FGF1: variants seen among roughly 807,000 people sequenced by gnomAD.
The protein encoded by FGF1 is beta-endothelial cell growth factor.
Under a neutral mutation model 13.4 loss-of-function variants are expected in FGF1, and 9 were observed. The ratio of observed to expected loss-of-function variants is 0.67; its 90% CI spans 0.40 to 1.17. FGF1 has a LOEUF of 1.17. Among genes scored for constraint, FGF1 ranks in the 50% most tolerant of loss-of-function variants. The probability of loss-of-function intolerance (pLI) is 0.01; values close to 1 mark genes in which losing one functional copy is unlikely to be tolerated. For synonymous variants in FGF1, 93 were observed against 79.0 expected, an observed-to-expected ratio of 1.18 and a Z score of -0.94; for missense variants, 156 against 192.7, an observed-to-expected ratio of 0.81 and a Z score of 1.13.
At chr5:142,643,231 A>T (rs1247933399) in intron 1 of FGF1, among the ~76,000 whole-genome samples, 1 of 152,178 alleles carries the variant, frequency 6.6e-6, no homozygotes, top group Non-Finnish European at 1.5e-5. Flanking sequence ...ATTATCGAAG[A>T]TATAAAGAAC....
intron 1 of FGF1, among the ~76,000 whole-genome samples, chr5:142,645,161 T>C (rs977845130): frequency 2.0e-5 from 3 of 152,142 alleles, no homozygotes. Context: ...GCATTACTCA[T>C]GGTGAAGGGC....
At chr5:142,695,104 T>C (rs1752894332) in intron 2 of FGF1, among the ~76,000 whole-genome samples, 1 of 152,202 alleles carries the variant, frequency 6.6e-6, no homozygotes, top group Admixed American at 6.5e-5. Flanking sequence ...ACTAGATGTA[T>C]AATTTAGGAT....
Position 142,594,794 on chromosome 5 carries a change from T to A in FGF1, c.*496A>T, listed in dbSNP as rs1754918476. 6.5e-6 allele frequency: 1 copy of A among 152,688 alleles called. No homozygotes were observed. The highest frequency in any genetic ancestry group is 6.5e-5 in the Admixed American group (1 of 15,316). 9.5% of individuals were successfully genotyped at this position (152,688 alleles called of 1,614,324 possible). On this transcript the variant is annotated 3_prime_UTR_variant, in exon 4 of 4. Transcript: ENST00000337706. Reference sequence around the variant, plus strand: ...CTGTTCTGAAGGGGGGATTTCTTTGTCCCTGTTTCTGGTCATGGAATGCTG... The same window carrying A: ...CTGTTCTGAAGGGGGGATTTCTTTGACCCTGTTTCTGGTCATGGAATGCTG...
At chr5:142,623,918 T>C (rs1220838296) in intron 1 of FGF1, among the ~76,000 whole-genome samples, 3 of 151,380 alleles carry the variant, frequency 2.0e-5, no homozygotes, top group Non-Finnish European at 4.4e-5. Context: ...CTGGTTAACT[T>C]TTTTTTGTTT....
Position 142,592,194 on chromosome 5 carries a change from C to A in FGF1, c.*3096G>T. 2 of 396,436 alleles carry A rather than the reference C, an allele frequency of 5.0e-6. No homozygotes were observed. Among genetic ancestry groups the A allele is most frequent in the East Asian group, 7.1e-5 (2 of 27,992 alleles). The allele number at this position is 396,436 out of a possible 1,614,324, so 24.6% of individuals were successfully genotyped here. On this transcript the variant is annotated 3_prime_UTR_variant, in exon 4 of 4. Transcript: ENST00000337706. ...GAGACATTATCACCTATTATTGGAA[C>A]ATTTATTAATATTTGTAAGGTGCAG...
At chr5:142,662,936 A>C (rs1038853387) in intron 1 of FGF1, among the ~76,000 whole-genome samples, 1 of 151,746 alleles carries the variant, frequency 6.6e-6, no homozygotes, top group African/African-American at 2.4e-5. Context: ...CAACCCTCCC[A>C]CCTCAGCCTC....
Position 142,607,453 on chromosome 5 carries a change from G to A in FGF1, c.169+6506C>T, listed in dbSNP as rs60213118. 5.5e-3 allele frequency among the ~76,000 whole-genome samples: 832 copies of A among 152,294 alleles called. 8 individuals carry two copies. Among genetic ancestry groups the A allele is most frequent in the African/African-American group, 0.018 (757 of 41,548 alleles). The stretch of plus-strand genomic sequence containing the variant: ...TTTTGAAAAACAAGATACGTCCATG[G>A]TCTGTAGGGTACTTCATTTTCCCCT... On this transcript the variant is annotated intron_variant, in intron 2 of 3. Coordinates refer to ENST00000337706, the MANE Select transcript of FGF1 (RefSeq NM_000800.5).
At position 142,622,684 on chromosome 5, in the gene FGF1, G is replaced by A. The variant is rs79100140; in HGVS notation, c.-34-8523C>T. Among the ~76,000 whole-genome samples, 178 of 152,316 alleles carry A rather than the reference G, an allele frequency of 1.2e-3. 2 individuals are homozygous for A. The highest frequency in any genetic ancestry group is 4.0e-3 in the African/African-American group (167 of 41,570). ...AGGCTTTTTTTATTTCTGCCACAGC[G>A]TGTTAGGCTGGCAGGGCCCCACCTT... On this transcript the variant is annotated intron_variant, in intron 1 of 3. Transcript: ENST00000337706.
intron 1 of FGF1, among the ~76,000 whole-genome samples, chr5:142,642,022 A>G (rs143855199): frequency 3.1e-4 from 48 of 152,384 alleles, no homozygotes; most frequent in African/African-American, 1.0e-3. Flanking sequence ...CCTCTCAAAT[A>G]GACACATAAA....
At chr5:142,601,624 C>T (rs886877848) in intron 2 of FGF1, among the ~76,000 whole-genome samples, 6 of 151,886 alleles carry the variant, frequency 4.0e-5, no homozygotes, top group African/African-American at 9.7e-5. Context: ...CTAGGGGGGG[C>T]GGGTGCTACT....
intron 1 of FGF1, among the ~76,000 whole-genome samples, chr5:142,680,233 C>T (rs1360920835): frequency 6.6e-6 from 1 of 152,148 alleles, no homozygotes; most frequent in Non-Finnish European, 1.5e-5. Flanking sequence ...CACAACTCAA[C>T]CCTAACACCT....
chr5:142,688,197 C>A (rs1192692864), upstream of FGF1, among the ~76,000 whole-genome samples: 1 of 152,118 alleles, frequency 6.6e-6, no homozygotes, highest in Non-Finnish European at 1.5e-5. Context: ...ATATTACTGT[C>A]CAAATACTGG....
chr5:142,683,381 A>G (rs1052896843), intron 1 of FGF1, among the ~76,000 whole-genome samples: 1 of 152,172 alleles, frequency 6.6e-6, no homozygotes, highest in Admixed American at 6.5e-5. Flanking sequence ...AGGCATTCCT[A>G]GACTCCAGAT....
At chr5:142,607,918 A>T (rs996663636) in intron 2 of FGF1, among the ~76,000 whole-genome samples, 1 of 152,190 alleles carries the variant, frequency 6.6e-6, no homozygotes, top group Non-Finnish European at 1.5e-5. Context: ...CTTTTGTCTG[A>T]GGAACTAAGT....
At chr5:142,648,918 C>T (rs891650826) in intron 1 of FGF1, among the ~76,000 whole-genome samples, 4 of 152,100 alleles carry the variant, frequency 2.6e-5, no homozygotes, top group Non-Finnish European at 5.9e-5. Context: ...CTTATTAATG[C>T]ATGGGCAGGC....
At chr5:142,645,160 A>C (rs561555680) in intron 1 of FGF1, among the ~76,000 whole-genome samples, 1 of 152,188 alleles carries the variant, frequency 6.6e-6, no homozygotes, top group Non-Finnish European at 1.5e-5. Flanking sequence ...GGCATTACTC[A>C]TGGTGAAGGG....
rs569580970 is a variant in FGF1, at chr5:142,593,942, C to T, written c.*1348G>A. ...CAAGTAATGGTAATACAAATGGTCT[C>T]CTGGGAAAAGCTGTTGGTAAGGGTT... On this transcript the variant is annotated 3_prime_UTR_variant, in exon 4 of 4. Coordinates refer to ENST00000337706, the MANE Select transcript of FGF1 (RefSeq NM_000800.5). 2.0e-5 allele frequency: 3 copies of T among 152,676 alleles called. No individual in the cohort carries two copies. The highest frequency in any genetic ancestry group is 7.2e-5 in the African/African-American group (3 of 41,526). The allele number at this position is 152,676 out of a possible 1,614,324, so 9.5% of individuals were successfully genotyped here.
intron 1 of FGF1, among the ~76,000 whole-genome samples, chr5:142,632,921 A>G (rs952268537): frequency 8.4e-6 from 1 of 118,686 alleles, no homozygotes. Flanking sequence ...TAGGTTGTTT[A>G]CTTTTTTTTT....
intron 3 of FGF1, 66 bp from the exon 4 acceptor site, chr5:142,595,550 T>C: frequency 1.4e-6 from 2 of 1,399,778 alleles, no homozygotes; most frequent in Non-Finnish European, 2.0e-6. Flanking sequence ...GGTCCCCATT[T>C]ACTAGCTGTG....
Sources: allele counts gnomAD v4.1 joint callset (sites outside exome capture counted in the v4.1 genomes callset), GRCh38; gene constraint gnomAD v4.1.1; transcripts MANE v1.5; gene names NCBI Gene and HGNC (gene_info 2026-07-23, HGNC 2026-07-21).